The following ZNF649 variants were observed in gnomAD, a reference collection of about 807,000 sequenced individuals.
The protein encoded by ZNF649 is zinc finger protein 649.
ZNF649 carries 7 observed loss-of-function variants against 14.1 expected under a neutral mutation model. That is an observed-to-expected ratio of 0.49 (90% confidence interval 0.28 to 0.93). The LOEUF (loss-of-function observed/expected upper bound fraction) is 0.93, where lower values mean the gene tolerates loss of function less well. Among genes scored for constraint, ZNF649 ranks in the 40% least tolerant of loss-of-function variants. ZNF649 has a pLI of 0.10. For missense variants in ZNF649, 544 were observed against 608.1 expected (o/e 0.89, Z 1.11); for synonymous variants, 227 against 212.3 (o/e 1.07, Z -0.60).
At chr19:51,903,425 T>C (rs776003758) in intron 1 of ZNF649, among the ~76,000 whole-genome samples, 7 of 152,126 alleles carry the variant, frequency 4.6e-5, no homozygotes, top group Non-Finnish European at 1.0e-4. Flanking sequence ...GCCATCTCAA[T>C]GCCACACAAA....
intron 1 of ZNF649, among the ~76,000 whole-genome samples, chr19:51,901,392 T>G (rs76098421): frequency 1.3e-5 from 2 of 152,186 alleles, no homozygotes; most frequent in Non-Finnish European, 2.9e-5. Flanking sequence ...ATGTTGAAAC[T>G]TAATCTCCAA....
intron 1 of ZNF649, among the ~76,000 whole-genome samples, chr19:51,902,540 G>A (rs2085100727): frequency 6.6e-6 from 1 of 152,194 alleles, no homozygotes; most frequent in Non-Finnish European, 1.5e-5. Context: ...ACGAAGTGCA[G>A]CTCACTGCCA....
Position 51,891,308 on chromosome 19 carries a change from C to G in ZNF649, c.828G>C (p.Glu276Asp), listed in dbSNP as rs1328136082. 6.2e-7 allele frequency: 1 copy of G among 1,614,190 alleles called. No individual in the cohort carries two copies. The highest frequency in any genetic ancestry group is 8.5e-7 in the Non-Finnish European group (1 of 1,180,032). The change falls in exon 5 of 5, where the codon GAG becomes GAC. Residue 276 changes from glutamate (E) to aspartate (D), a missense_variant. Glu to Asp is a conservative substitution (Grantham distance 45, BLOSUM62 2). Coordinates refer to ENST00000354957, the MANE Select transcript of ZNF649 (RefSeq NM_023074.4). This position sits in a 1 kb window ranked among gnomAD's most constrained non-coding sequence, Gnocchi z 4.2. ...TGTGAATCCTTTGATGTTCAGTAAG[C>G]TCAGATTTCCTGGGGAAGGCTTTCC... ...ECGKAFPRKS[E>D]LTEHQRIHTG...
In ZNF649 at chr19:51,890,739, G is replaced by A. The variant is rs2122754392; in HGVS notation, c.1397C>T (p.Pro466Leu). 6.2e-7 allele frequency: 1 copy of A among 1,614,198 alleles called. No homozygotes were observed. The highest frequency in any genetic ancestry group is 8.5e-7 in the Non-Finnish European group (1 of 1,180,050). The stretch of plus-strand genomic sequence containing the variant: ...ACTTAAGCTGTGACTTGCTGTGGAA[G>A]GATTTTCCACCTTCACTGAATCCCC... ...KRGDSVKVEN[P>L]STASHSLSPS... The change falls in exon 5 of 5, where the codon CCT becomes CTT. Residue 466 changes from proline to leucine, a missense_variant. Coordinates refer to ENST00000354957, the MANE Select transcript of ZNF649 (RefSeq NM_023074.4).
chr19:51,892,521 T>G (rs1308150982), intron 4 of ZNF649, among the ~76,000 whole-genome samples: 1 of 151,444 alleles, frequency 6.6e-6, no homozygotes, highest in Non-Finnish European at 1.5e-5. Context: ...CTACAAAAAC[T>G]TTTTTTTTAA....
At chr19:51,902,031 T>A (rs1407803146) in intron 1 of ZNF649, among the ~76,000 whole-genome samples, 1 of 151,800 alleles carries the variant, frequency 6.6e-6, no homozygotes, top group Non-Finnish European at 1.5e-5. Context: ...GATCGGCCCT[T>A]TCTGCTCTTC....
In ZNF649 at chr19:51,890,860, C is replaced by G. The variant is rs1459118850; in HGVS notation, c.1276G>C (p.Gly426Arg). The G allele has an allele frequency of 1.2e-6, 2 of 1,614,224 alleles. No individual in the cohort carries two copies. The highest frequency in any genetic ancestry group is 2.2e-5 in the East Asian group (1 of 44,884). ...TCATCACAGCCATAGGGTCTCTCTC[C>G]CGTGTGAGTTCTGTGATGTACAATG... ...MLIVHHRTHT[G>R]ERPYGCDECE... The change falls in exon 5 of 5, where the codon GGA (glycine) becomes CGA (arginine). Residue 426 changes from glycine to arginine, a missense_variant. Coordinates refer to ENST00000354957, the MANE Select transcript of ZNF649 (RefSeq NM_023074.4).
chr19:51,901,950 C>CAAAA (rs35820639), intron 1 of ZNF649, among the ~76,000 whole-genome samples: 8 of 63,576 alleles, frequency 1.3e-4, no homozygotes, highest in Non-Finnish European at 1.5e-4. Context: ...GACTCTGTAT[C>CAAAA]AAAAAAAAAA....
At chr19:51,897,001 AAT>A (rs778921175) in intron 2 of ZNF649, 23 bp from the exon 3 acceptor site, 2 of 1,613,426 alleles carry the variant, frequency 1.2e-6, no homozygotes, top group Non-Finnish European at 1.7e-6. Context: ...AGTCCTGCTT[AAT>A]ATGTTTCTCT....
rs2085006274 is a variant in ZNF649 at position 51,889,869 on chromosome 19, A to G, written c.*749T>C. On this transcript the variant is annotated 3_prime_UTR_variant, in exon 5 of 5. Coordinates refer to ENST00000354957, the MANE Select transcript of ZNF649 (RefSeq NM_023074.4). ...AATAAACAACAAATAGTAAGTTAGT[A>G]ATTTAAACCTAAAAACATCAATACA... 2 of 152,358 alleles carry G rather than the reference A, an allele frequency of 1.3e-5. No individual in the cohort carries two copies. The highest frequency in any genetic ancestry group is 4.8e-5 in the African/African-American group (2 of 41,586). The allele number at this position is 152,358 out of a possible 1,614,324, so 9.4% of individuals were successfully genotyped here. A position where few individuals can be genotyped will look rare whatever the true frequency, so the allele number is the denominator to read the frequency against.
chr19:51,890,699 C>T lies in ZNF649; in HGVS notation c.1437G>A (p.Val479=). ...ASHSLSPSEH[V]QGKSPVNMVT... is the part of the protein sequence containing the mutation. The stretch of plus-strand genomic sequence containing the variant: ...CCATATTAACAGGGCTTTTCCCCTG[C>T]ACATGTTCACTAGGACTTAAGCTGT... Residue 479 remains valine, a synonymous_variant, in exon 5 of 5, where the codon GTG becomes GTA. Transcript: ENST00000354957. 6.2e-7 allele frequency: 1 copy of T among 1,614,214 alleles called. No individual in the cohort carries two copies. Among genetic ancestry groups the T allele is most frequent in the Non-Finnish European group, 8.5e-7 (1 of 1,180,042 alleles).
chr19:51,903,604 A>T (rs976967627), intron 1 of ZNF649, among the ~76,000 whole-genome samples: 1 of 152,224 alleles, frequency 6.6e-6, no homozygotes, highest in Non-Finnish European at 1.5e-5. Flanking sequence ...AGATCACCTG[A>T]GGTCAGGAGT....
chr19:51,892,573 G>T (rs2085031458), intron 4 of ZNF649, among the ~76,000 whole-genome samples: 1 of 152,038 alleles, frequency 6.6e-6, no homozygotes, highest in South Asian at 2.1e-4. Flanking sequence ...AGCAGACATA[G>T]GTAGTAGAAT....
chr19:51,903,680 G>A (rs1050756400), intron 1 of ZNF649, among the ~76,000 whole-genome samples: 1 of 152,112 alleles, frequency 6.6e-6, no homozygotes, highest in Non-Finnish European at 1.5e-5. Context: ...TTAGCCGGGC[G>A]TGGTGGCGGG....
At chr19:51,896,323 A>G in intron 4 of ZNF649, 149 bp downstream of exon 4, 2 of 633,470 alleles carry the variant, frequency 3.2e-6, no homozygotes, top group African/African-American at 1.8e-5. Context: ...GAATTCCTAT[A>G]AGAAAAAGAG....
In ZNF649 at chr19:51,896,463, C is replaced by A; in HGVS notation, c.238+9G>T. The A allele has an allele frequency of 6.2e-7, 1 of 1,613,548 alleles. No homozygotes were observed. The highest frequency in any genetic ancestry group is 1.1e-5 in the South Asian group (1 of 91,056). On this transcript the variant is annotated intron_variant, in intron 4 of 4. Transcript: ENST00000354957. Reference sequence around the variant, plus strand: ...TGCCTTCCCCTCTTGCTGGTTCTCTCTCACTTACCTGGGTGGGCTGGACTG... The same window carrying A: ...TGCCTTCCCCTCTTGCTGGTTCTCTATCACTTACCTGGGTGGGCTGGACTG...
intron 2 of ZNF649, chr19:51,897,183 T>C: frequency 4.9e-6 from 3 of 612,692 alleles, no homozygotes; most frequent in Non-Finnish European, 8.4e-6. Flanking sequence ...TCTGCTTATG[T>C]TACTCTGTAT....
At chr19:51,894,413 C>T (rs1276826644) in intron 4 of ZNF649, among the ~76,000 whole-genome samples, 1 of 152,202 alleles carries the variant, frequency 6.6e-6, no homozygotes, top group Non-Finnish European at 1.5e-5. Flanking sequence ...GGATTACAGG[C>T]ATGAGCCACC....
Position 51,893,703 on chromosome 19 carries a change from AT to A in ZNF649, c.239-1807del, listed in dbSNP as rs570730215. ...CCTACTTGCACAGATGTCATATTGG[AT>A]TTTTTTTCCACTTTGCTGTCCCTAA... On this transcript the variant is annotated intron_variant, in intron 4 of 4. Transcript: ENST00000354957. Among the ~76,000 whole-genome samples the A allele has an allele frequency of 1.5e-3, 226 of 152,004 alleles. 2 individuals are homozygous for A. Among genetic ancestry groups the A allele is most frequent in the African/African-American group, 5.2e-3 (217 of 41,436 alleles).
Sources: allele counts gnomAD v4.1 joint callset (sites outside exome capture counted in the v4.1 genomes callset), GRCh38; gene constraint gnomAD v4.1.1; non-coding constraint Gnocchi (gnomAD v3.1); transcripts MANE v1.5; gene names NCBI Gene and HGNC (gene_info 2026-07-23, HGNC 2026-07-21).